Variants in PRKAR1B observed in about 807,000 individuals in gnomAD.
The protein encoded by PRKAR1B is cAMP-dependent protein kinase type I-beta regulatory subunit.
A neutral mutation model predicts 46.5 loss-of-function variants in PRKAR1B; 22 were observed. That is an observed-to-expected ratio of 0.47 (90% CI 0.34 to 0.68). PRKAR1B has a LOEUF of 0.68. Among genes scored for constraint, PRKAR1B ranks in the 30% least tolerant of loss-of-function variants. PRKAR1B has a pLI of 0.01. For missense variants in PRKAR1B, 445 were observed against 535.6 expected (o/e 0.83, Z 1.67); for synonymous variants, 259 against 217.7 (o/e 1.19, Z -1.67).
intron 9 of PRKAR1B, among the ~76,000 whole-genome samples, chr7:576,515 T>C (rs1223794830): frequency 6.6e-6 from 1 of 152,188 alleles, no homozygotes; most frequent in Non-Finnish European, 1.5e-5. Context: ...CATTCCTTCA[T>C]GCATTCATTA....
chr7:605,464 T>C (rs1025649422), intron 6 of PRKAR1B, among the ~76,000 whole-genome samples: 2 of 152,322 alleles, frequency 1.3e-5, no homozygotes, highest in East Asian at 1.9e-4. Flanking sequence ...CCAGAGGCTC[T>C]GGGCAAGACT....
At chr7:696,533 C>T (rs1779749322) in intron 2 of PRKAR1B, among the ~76,000 whole-genome samples, 1 of 152,160 alleles carries the variant, frequency 6.6e-6, no homozygotes, top group African/African-American at 2.4e-5. Flanking sequence ...CTCCATCTCC[C>T]AAAGTGCTGG....
chr7:607,072 C>G (rs1294886270), intron 5 of PRKAR1B, among the ~76,000 whole-genome samples: 3 of 152,112 alleles, frequency 2.0e-5, no homozygotes, highest in Non-Finnish European at 2.9e-5. Flanking sequence ...GGCGTGATCT[C>G]AGCCCACTGC....
At chr7:690,221 A>T (rs1168591520) in intron 2 of PRKAR1B, among the ~76,000 whole-genome samples, 2 of 151,652 alleles carry the variant, frequency 1.3e-5, no homozygotes, top group South Asian at 4.2e-4. Context: ...GCTTGAACCC[A>T]GGAGGCAGAC....
chr7:670,440 G>A (rs1786173064), intron 4 of PRKAR1B, among the ~76,000 whole-genome samples: 1 of 152,276 alleles, frequency 6.6e-6, no homozygotes, highest in Non-Finnish European at 1.5e-5. Context: ...TGATAGCTGA[G>A]CCCAAGAGCT....
intron 2 of PRKAR1B, among the ~76,000 whole-genome samples, chr7:709,172 AGGTTGAAAAACC>A (rs1271608542): frequency 9.4e-5 from 14 of 149,648 alleles, no homozygotes; most frequent in African/African-American, 3.2e-4. Flanking sequence ...CACGGAGGAA[AGGTTGAAAAACC>A]TTAGTATAAC....
chr7:621,315 T>C (rs1462484686), intron 4 of PRKAR1B, among the ~76,000 whole-genome samples: 2 of 152,274 alleles, frequency 1.3e-5, no homozygotes, highest in African/African-American at 4.8e-5. Flanking sequence ...TCTAGATCTC[T>C]TCAGGTTTTC....
At chr7:691,739 G>C (rs1242291047) in intron 2 of PRKAR1B, 2 of 1,232,654 alleles carry the variant, frequency 1.6e-6, no homozygotes, top group African/African-American at 1.5e-5. Context: ...GGGGAATCCA[G>C]GGTGCTGAGG....
intron 4 of PRKAR1B, among the ~76,000 whole-genome samples, chr7:670,754 C>T (rs547873065): frequency 3.3e-5 from 5 of 149,460 alleles, no homozygotes; most frequent in Non-Finnish European, 1.5e-5. Context: ...CCCCGAGCTC[C>T]CCCACGCCAC....
chr7:567,851 T>A (rs541271930), intron 9 of PRKAR1B, among the ~76,000 whole-genome samples: 1 of 151,534 alleles, frequency 6.6e-6, no homozygotes, highest in South Asian at 2.1e-4. Context: ...AGGAGAAGGG[T>A]GGTTCTACTT....
chr7:552,977 A>G (rs1784342970), intron 9 of PRKAR1B, among the ~76,000 whole-genome samples: 1 of 152,254 alleles, frequency 6.6e-6, no homozygotes, highest in African/African-American at 2.4e-5. Context: ...AGCATATCAC[A>G]GGGCACCGCC....
At chr7:636,363 GCCGCGCCC>G (rs1784084679) in intron 4 of PRKAR1B, among the ~76,000 whole-genome samples, 5 of 32,048 alleles carry the variant, frequency 1.6e-4, no homozygotes, top group African/African-American at 3.0e-4. Flanking sequence ...TCCTCCACCG[GCCGCGCCC>G]ACACGTCCTC....
intron 4 of PRKAR1B, among the ~76,000 whole-genome samples, chr7:629,048 C>T (rs1290390944): frequency 6.6e-6 from 1 of 152,218 alleles, no homozygotes; most frequent in Non-Finnish European, 1.5e-5. Context: ...GACATTACAG[C>T]CGATGGTGAC....
At chr7:575,459 C>A (rs1779765394) in intron 9 of PRKAR1B, among the ~76,000 whole-genome samples, 1 of 152,242 alleles carries the variant, frequency 6.6e-6, no homozygotes, top group Non-Finnish European at 1.5e-5. Flanking sequence ...TGTACCTAAG[C>A]CAGCCCAGCA....
chr7:725,397 G>A (rs1032780350), intron 1 of PRKAR1B, among the ~76,000 whole-genome samples: 1 of 152,192 alleles, frequency 6.6e-6, no homozygotes, highest in Non-Finnish European at 1.5e-5. Flanking sequence ...CTCCTGGTTT[G>A]CAGTGAGTGC....
intron 2 of PRKAR1B, among the ~76,000 whole-genome samples, chr7:685,145 A>G (rs1273901187): frequency 6.7e-6 from 1 of 150,200 alleles, no homozygotes; most frequent in Non-Finnish European, 1.5e-5. Context: ...CAGTAGGAAG[A>G]TACAACATGA....
intron 9 of PRKAR1B, 71 bp from the exon 10 acceptor site, chr7:551,541 C>G: frequency 6.9e-7 from 1 of 1,454,584 alleles, no homozygotes; most frequent in East Asian, 2.5e-5. Flanking sequence ...TGAGGGGTCA[C>G]CCCACAGGGG....
chr7:647,337 A>G (rs1294399718), intron 4 of PRKAR1B, among the ~76,000 whole-genome samples: 1 of 151,778 alleles, frequency 6.6e-6, no homozygotes, highest in Non-Finnish European at 1.5e-5. Flanking sequence ...AGCCAGCATC[A>G]CCTGTGGCTG....
At chr7:725,038 C>T (rs953990123) in intron 1 of PRKAR1B, among the ~76,000 whole-genome samples, 4 of 152,070 alleles carry the variant, frequency 2.6e-5, no homozygotes, top group African/African-American at 4.8e-5. Flanking sequence ...CACAGTGAAA[C>T]CCCGTCTCTA....
Sources: allele counts gnomAD v4.1 joint callset (sites outside exome capture counted in the v4.1 genomes callset), GRCh38; gene constraint gnomAD v4.1.1; transcripts MANE v1.5; gene names NCBI Gene and HGNC (gene_info 2026-07-23, HGNC 2026-07-21).